ELFN1: variants seen among roughly 807,000 people sequenced by gnomAD.
ELFN1 encodes extracellular leucine rich repeat and fibronectin type III domain containing 1.
In ELFN1, 6 loss-of-function variants were observed where a neutral mutation model predicts 7.6. The ratio of observed to expected loss-of-function variants is 0.79; its 90% CI spans 0.43 to 1.56. The LOEUF is 1.56. ELFN1 is among the 40% of genes most tolerant of loss of function. The probability of loss-of-function intolerance (pLI) is 0.01; values close to 1 mark genes in which losing one functional copy is unlikely to be tolerated. For synonymous variants in ELFN1, 657 were observed against 588.1 expected, an observed-to-expected ratio of 1.12 and a Z score of -1.70; for missense variants, 1,169 against 1,232.2, an observed-to-expected ratio of 0.95 and a Z score of 0.77.
At chr7:1,717,182 C>T (rs1284354538) in intron 3 of ELFN1, among the ~76,000 whole-genome samples, 1 of 152,304 alleles carries the variant, frequency 6.6e-6, no homozygotes, top group East Asian at 1.9e-4. Context: ...AGACAGGGGC[C>T]GTGCATCTGC....
chr7:1,720,998 G>A (rs1011760754), intron 3 of ELFN1, among the ~76,000 whole-genome samples: 1 of 152,174 alleles, frequency 6.6e-6, no homozygotes, highest in Non-Finnish European at 1.5e-5. Context: ...TGGAAAATGA[G>A]AATGATCAGA....
chr7:1,685,119 G>C (rs532033301), intron 1 of ELFN1, among the ~76,000 whole-genome samples: 5 of 151,468 alleles, frequency 3.3e-5, no homozygotes, highest in Admixed American at 2.0e-4. Context: ...ATTTTTTTTT[G>C]TTTTCATATT....
At chr7:1,743,398 T>A (rs150390452) in intron 3 of ELFN1, among the ~76,000 whole-genome samples, 2 of 152,184 alleles carry the variant, frequency 1.3e-5, no homozygotes, top group African/African-American at 2.4e-5. Context: ...CTGAGGAGGA[T>A]GTGTGGAGCC....
chr7:1,672,065 C>T (rs1043211966), intron 1 of ELFN1, among the ~76,000 whole-genome samples: 3 of 152,178 alleles, frequency 2.0e-5, no homozygotes, highest in African/African-American at 7.2e-5. Context: ...CCTCCTCGGC[C>T]GCAGCAGGAC....
At chr7:1,722,224 G>A (rs1417307396) in intron 3 of ELFN1, among the ~76,000 whole-genome samples, 1 of 150,644 alleles carries the variant, frequency 6.6e-6, no homozygotes, top group Non-Finnish European at 1.5e-5. Flanking sequence ...TTTTTCTAAA[G>A]TTCATGAGTC....
At chr7:1,697,454 C>A (rs1421184512) in intron 2 of ELFN1, among the ~76,000 whole-genome samples, 1 of 152,228 alleles carries the variant, frequency 6.6e-6, no homozygotes, top group African/African-American at 2.4e-5. Flanking sequence ...CTGAGCACCG[C>A]TGGGTTGACC....
chr7:1,670,661 C>T lies in ELFN1; in HGVS notation c.-549+307C>T, dbSNP rs1200841207. On this transcript the variant is annotated intron_variant, in intron 1 of 3. Coordinates refer to ENST00000424383, the MANE Select transcript of ELFN1 (RefSeq NM_001128636.4). This position sits in a 1 kb window ranked among gnomAD's most constrained non-coding sequence, Gnocchi z 6.4. ...TGCCTCCGAGAGGTCCCTTCCCCAG[C>T]GCCTCTCTCCCTTCCGTCCCCCTTC... is the stretch of plus-strand genomic sequence containing the variant. Among the ~76,000 whole-genome samples the T allele has an allele frequency of 6.6e-6, 1 of 152,200 alleles. No individual in the cohort carries two copies. Among genetic ancestry groups the T allele is most frequent in the Non-Finnish European group, 1.5e-5 (1 of 68,008 alleles).
upstream of ELFN1, among the ~76,000 whole-genome samples, chr7:1,667,786 TG>T (rs937007703): frequency 2.0e-5 from 3 of 152,010 alleles, no homozygotes; most frequent in Admixed American, 2.0e-4. This position sits in a 1 kb window ranked among gnomAD's most constrained non-coding sequence, Gnocchi z 8.2. Context: ...GTTCTGGGTC[TG>T]GGGGAGGGGC....
chr7:1,682,351 C>T (rs1445842021), intron 1 of ELFN1, among the ~76,000 whole-genome samples: 1 of 152,208 alleles, frequency 6.6e-6, no homozygotes, highest in Non-Finnish European at 1.5e-5. Flanking sequence ...CTTTTCTGCA[C>T]TACATCTTAT....
intron 3 of ELFN1, among the ~76,000 whole-genome samples, chr7:1,714,844 C>T (rs887705096): frequency 1.3e-5 from 2 of 152,198 alleles, no homozygotes; most frequent in South Asian, 2.1e-4. Flanking sequence ...TTGAACCCCA[C>T]GTGGGGGTCA....
chr7:1,703,816 C>G (rs979895969), intron 2 of ELFN1, among the ~76,000 whole-genome samples: 6 of 152,304 alleles, frequency 3.9e-5, no homozygotes, highest in African/African-American at 1.2e-4. Context: ...CCAGTGTAAC[C>G]TTGGGGAGGT....
intron 2 of ELFN1, among the ~76,000 whole-genome samples, chr7:1,708,512 T>C (rs188121393): frequency 6.6e-6 from 1 of 152,188 alleles, no homozygotes; most frequent in African/African-American, 2.4e-5. Context: ...GCCTGGCATT[T>C]GGCATACTCT....
chr7:1,741,272 C>T (rs1261254018), intron 3 of ELFN1, among the ~76,000 whole-genome samples: 2 of 152,202 alleles, frequency 1.3e-5, no homozygotes, highest in Admixed American at 6.5e-5. Flanking sequence ...ACTGGGAAGT[C>T]GTGCCCACAC....
intron 2 of ELFN1, among the ~76,000 whole-genome samples, chr7:1,707,354 G>T (rs1183222764): frequency 6.6e-6 from 1 of 152,280 alleles, no homozygotes. Flanking sequence ...GTGCTTTGCA[G>T]AGCTGGGCTG....
chr7:1,700,783 G>T (rs1779410045), intron 2 of ELFN1, among the ~76,000 whole-genome samples: 1 of 152,250 alleles, frequency 6.6e-6, no homozygotes, highest in Admixed American at 6.5e-5. Context: ...CTGATGAGAT[G>T]CTTGAAGCCT....
upstream of ELFN1, among the ~76,000 whole-genome samples, chr7:1,670,088 C>T (rs1361637916): frequency 1.4e-5 from 2 of 146,490 alleles, no homozygotes; most frequent in Admixed American, 6.8e-5. This position sits in a 1 kb window ranked among gnomAD's most constrained non-coding sequence, Gnocchi z 6.4. Context: ...GAGCCGGACT[C>T]GCGGCGGAGG....
intron 2 of ELFN1, among the ~76,000 whole-genome samples, chr7:1,707,729 G>C (rs898211736): frequency 6.6e-6 from 1 of 152,214 alleles, no homozygotes; most frequent in South Asian, 2.1e-4. Context: ...ATCTCTAACT[G>C]ATGAGCATCC....
At chr7:1,699,568 A>G (rs1375915394) in intron 2 of ELFN1, among the ~76,000 whole-genome samples, 2 of 152,132 alleles carry the variant, frequency 1.3e-5, no homozygotes, top group African/African-American at 4.8e-5. Flanking sequence ...CTGAGCCCTA[A>G]GGGGTCCAGG....
upstream of ELFN1, among the ~76,000 whole-genome samples, chr7:1,667,812 G>A (rs983669533): frequency 6.6e-6 from 1 of 152,180 alleles, no homozygotes; most frequent in Non-Finnish European, 1.5e-5. The surrounding 1 kb of genome is among the most constrained non-coding windows in gnomAD (Gnocchi z 8.2). Flanking sequence ...GGCGTGGAGC[G>A]CGGCGTTGGG....
Sources: gnomAD v4.1 joint callset for allele counts (sites outside exome capture counted in the v4.1 genomes callset) on GRCh38, gnomAD v4.1.1 for gene constraint, Gnocchi (gnomAD v3.1) non-coding constraint, MANE v1.5 for transcripts, NCBI Gene and HGNC (gene_info 2026-07-23, HGNC 2026-07-21) for gene names.